SRD5A2: variants seen among roughly 807,000 people sequenced by gnomAD.
SRD5A2 encodes 3-oxo-5-alpha-steroid 4-dehydrogenase 2.
SRD5A2 carries 30 observed loss-of-function variants against 27.4 expected under a neutral mutation model. The ratio of observed to expected loss-of-function variants is 1.10; its 90% CI spans 0.82 to 1.49. SRD5A2 has a LOEUF of 1.49. Ranked by LOEUF, SRD5A2 falls within the 40% of genes most tolerant of loss-of-function variation. The pLI, the probability that SRD5A2 is intolerant of heterozygous loss-of-function variation, is 0.00. For synonymous variants in SRD5A2, 141 were observed against 133.6 expected, an observed-to-expected ratio of 1.06 and a Z score of -0.38; for missense variants, 348 against 323.4, an observed-to-expected ratio of 1.08 and a Z score of -0.58.
chr2:31,633,174 A>G, the SRD5A2 span, among the ~76,000 whole-genome samples: 1 of 152,218 alleles, frequency 6.6e-6, no homozygotes, highest in East Asian at 1.9e-4. Context: ...ACCAAGCCCC[A>G]GTACTCAACA....
the SRD5A2 span, among the ~76,000 whole-genome samples, chr2:31,628,611 G>A: frequency 6.6e-6 from 1 of 152,126 alleles, no homozygotes; most frequent in Non-Finnish European, 1.5e-5. Flanking sequence ...ATTGATAATG[G>A]TCTTTTCTTT....
the SRD5A2 span, among the ~76,000 whole-genome samples, chr2:31,639,898 A>G: frequency 6.6e-6 from 1 of 151,842 alleles, no homozygotes; most frequent in East Asian, 1.9e-4. Flanking sequence ...TTAATTTTGG[A>G]AAGTTTTCTA....
At chr2:31,614,452 T>C in the SRD5A2 span, among the ~76,000 whole-genome samples, 1 of 152,232 alleles carries the variant, frequency 6.6e-6, no homozygotes, top group Non-Finnish European at 1.5e-5. Flanking sequence ...CTTTGCAGGG[T>C]ACAGCTCCTC....
the SRD5A2 span, among the ~76,000 whole-genome samples, chr2:31,589,713 T>C: frequency 2.0e-5 from 3 of 152,018 alleles, no homozygotes; most frequent in Non-Finnish European, 4.4e-5. Flanking sequence ...GTTATAATTT[T>C]GGCTGAGTAC....
upstream of SRD5A2, chr2:31,581,155 A>G (rs1667075779): frequency 3.8e-6 from 2 of 522,994 alleles, no homozygotes; most frequent in East Asian, 6.3e-5. Context: ...ACGGCTTTAC[A>G]TTCACCTCCC....
At chr2:31,526,871 T>A (rs1434756591) in intron 4 of SRD5A2, 1 of 152,768 alleles carries the variant, frequency 6.5e-6, no homozygotes, top group Admixed American at 6.5e-5. Flanking sequence ...GAGCAGGGTG[T>A]GCCCTTAATC....
chr2:31,550,561 T>C (rs1572642018), intron 1 of SRD5A2, among the ~76,000 whole-genome samples: 1 of 151,980 alleles, frequency 6.6e-6, no homozygotes, highest in Non-Finnish European at 1.5e-5. Flanking sequence ...ACTGGAGATA[T>C]AGTTCAGAGA....
At chr2:31,585,214 A>C (rs1337156230), upstream of SRD5A2, among the ~76,000 whole-genome samples, 1 of 152,184 alleles carries the variant, frequency 6.6e-6, no homozygotes, top group Non-Finnish European at 1.5e-5. Context: ...TAAACCTGAA[A>C]GGCAGTTTAG....
the SRD5A2 span, among the ~76,000 whole-genome samples, chr2:31,606,592 G>A: frequency 8.6e-5 from 13 of 151,770 alleles, no homozygotes; most frequent in African/African-American, 1.9e-4. Flanking sequence ...AAGCTCAATC[G>A]AGCTTCAGTG....
chr2:31,529,330 C>T lies in SRD5A2; in HGVS notation c.675G>A (p.Gly225=). ...ACCTATGGTGGTGAAAAGCTCGCAG[C>T]CCAAGGAAACAAAGTGAGAAAAATG... is the stretch of plus-strand genomic sequence containing the variant. ...AFAFFSLCFL[G]LRAFHHHRFY... The change falls in exon 4 of 5, where the codon GGG becomes GGA. Residue 225 remains glycine, a synonymous_variant. Coordinates refer to ENST00000622030, the MANE Select transcript of SRD5A2 (RefSeq NM_000348.4). The T allele has an allele frequency of 6.2e-7, 1 of 1,613,820 alleles. No homozygotes were observed. The highest frequency in any genetic ancestry group is 8.5e-7 in the Non-Finnish European group (1 of 1,179,798).
chr2:31,544,558 T>C (rs997195622), intron 1 of SRD5A2, among the ~76,000 whole-genome samples: 1 of 151,942 alleles, frequency 6.6e-6, no homozygotes. Context: ...GCAAAAGTAG[T>C]GTTAAGCATG....
intron 1 of SRD5A2, among the ~76,000 whole-genome samples, chr2:31,571,877 G>T (rs763613658): frequency 6.6e-6 from 1 of 152,182 alleles, no homozygotes; most frequent in Non-Finnish European, 1.5e-5. Context: ...ATAAATGCTG[G>T]CAAGGTTATG....
chr2:31,660,175 A>G, the SRD5A2 span, among the ~76,000 whole-genome samples: 1 of 152,160 alleles, frequency 6.6e-6, no homozygotes, highest in South Asian at 2.1e-4. Context: ...AGTCAGACAA[A>G]GGAAACACAA....
chr2:31,655,551 C>T, the SRD5A2 span, among the ~76,000 whole-genome samples: 3 of 152,148 alleles, frequency 2.0e-5, no homozygotes, highest in Non-Finnish European at 4.4e-5. Context: ...TGACAAATCT[C>T]ACCAATCAAA....
At chr2:31,653,990 C>G in the SRD5A2 span, among the ~76,000 whole-genome samples, 1 of 151,674 alleles carries the variant, frequency 6.6e-6, no homozygotes, top group Non-Finnish European at 1.5e-5. Context: ...AGACAGATAA[C>G]ATTTTCAATC....
At position 31,533,014 on chromosome 2, in the gene SRD5A2, G is replaced by C. The variant is rs1558357538; in HGVS notation, c.445+589C>G. Reference sequence around the variant, plus strand: ...CCACATGCAGCCCAGGACAGTTTTGGATGTGGCCTGACACAAATTCGTACA... The same window carrying C: ...CCACATGCAGCCCAGGACAGTTTTGCATGTGGCCTGACACAAATTCGTACA... On this transcript the variant is annotated intron_variant, in intron 2 of 4. Transcript: ENST00000622030. Among the ~76,000 whole-genome samples the C allele has an allele frequency of 2.6e-5, 4 of 152,138 alleles. No homozygotes were observed. In the South Asian group the frequency reaches 8.3e-4, roughly 32 times the overall value.
the SRD5A2 span, among the ~76,000 whole-genome samples, chr2:31,613,999 G>T: frequency 6.6e-6 from 1 of 152,156 alleles, no homozygotes. Flanking sequence ...TTCAAGATAA[G>T]ATTTGGGTGG....
chr2:31,544,094 A>G (rs1044746761), intron 1 of SRD5A2, among the ~76,000 whole-genome samples: 1 of 152,072 alleles, frequency 6.6e-6, no homozygotes, highest in African/African-American at 2.4e-5. Flanking sequence ...ACAAGAAACA[A>G]AAAAAGTACT....
the SRD5A2 span, among the ~76,000 whole-genome samples, chr2:31,598,836 A>G: frequency 6.6e-6 from 1 of 152,066 alleles, no homozygotes; most frequent in South Asian, 2.1e-4. Flanking sequence ...ATAACATTGA[A>G]TATAAATTGA....
Sources: gnomAD v4.1 joint callset for allele counts (sites outside exome capture counted in the v4.1 genomes callset) on GRCh38, gnomAD v4.1.1 for gene constraint, MANE v1.5 for transcripts, NCBI Gene and HGNC (gene_info 2026-07-23, HGNC 2026-07-21) for gene names.